DOCK6: variants seen among roughly 807,000 people sequenced by gnomAD.
DOCK6 encodes the protein dedicator of cytokinesis 6, also known as dedicator of cytokinesis protein 6.
Under a neutral mutation model 230.3 loss-of-function variants are expected in DOCK6, and 167 were observed. The ratio of observed to expected loss-of-function variants is 0.73; its 90% CI spans 0.64 to 0.82. DOCK6 has a LOEUF of 0.82. DOCK6 is among the 40% of genes least tolerant of loss of function. The pLI, the probability that DOCK6 is intolerant of heterozygous loss-of-function variation, is 0.00. For synonymous variants in DOCK6, 1,148 were observed against 1,185.0 expected (o/e 0.97, Z 0.64); for missense variants, 2,598 against 2,825.8 (o/e 0.92, Z 1.83).
Position 11,253,963 on chromosome 19 carries a change from G to A in DOCK6, c.45-237C>T, listed in dbSNP as rs574262053. 1.2e-4 allele frequency: 49 copies of A among 422,690 alleles called. No homozygotes were observed. In the Admixed American group the frequency reaches 1.3e-3, roughly 11 times the overall value. The allele number at this position is 422,690 out of a possible 1,614,324, so 26.2% of individuals were successfully genotyped here. On this transcript the variant is annotated intron_variant, in intron 1 of 47. Transcript: ENST00000294618. Reference sequence around the variant, plus strand: ...CACCAGTGGGGTCTGAAGCCATCACGGACTCTCCTTCCCCTCCCGGCTGGG... The same window carrying A: ...CACCAGTGGGGTCTGAAGCCATCACAGACTCTCCTTCCCCTCCCGGCTGGG...
rs764829646 is a variant in DOCK6, at chr19:11,253,658, C to T, written c.113G>A (p.Arg38His). Residue 38 changes from arginine to histidine, a missense_variant, in exon 2 of 48, where the codon CGC becomes CAC. Coordinates refer to ENST00000294618, the MANE Select transcript of DOCK6 (RefSeq NM_020812.4). ...ACTTACCCCCAGGGAGCTGCTGCAG[C>T]GCCTGCTGGAGTGGGGGGAGCCACT... ...ERSGSPHSSRRCSSSLGVPLT... is the reference protein window; with the variant it reads ...ERSGSPHSSRHCSSSLGVPLT... 1.0e-5 allele frequency: 15 copies of T among 1,451,946 alleles called. No individual in the cohort carries two copies. The highest frequency in any genetic ancestry group is 3.3e-5 in the Admixed American group (1 of 30,610). 89.9% of individuals were successfully genotyped at this position (1,451,946 alleles called of 1,614,324 possible).
chr19:11,240,229 A>T, intron 14 of DOCK6: 1 of 1,575,666 alleles, frequency 6.3e-7, no homozygotes, highest in South Asian at 1.2e-5. Flanking sequence ...GACAGCGTGC[A>T]GCGGCTAGAA....
chr19:11,225,783 C>T (rs2079654478), intron 24 of DOCK6, among the ~76,000 whole-genome samples: 1 of 150,466 alleles, frequency 6.6e-6, no homozygotes, highest in African/African-American at 2.5e-5. Flanking sequence ...GTAATCCCGG[C>T]ACTTTGGGAA....
chr19:11,240,069 G>C (rs890653734), intron 14 of DOCK6: 2 of 1,549,154 alleles, frequency 1.3e-6, no homozygotes, highest in African/African-American at 2.7e-5. Context: ...GATAAACTCA[G>C]GCAAGTCCTT....
Position 11,217,371 on chromosome 19 carries a change from T to C in DOCK6, c.3571A>G (p.Arg1191Gly). ...TCTGAGTCAAGCATTGAGGCCAGTCTTGACCGCTGACCTGGGCCCTCTGGC... is the reference window on the plus strand; with the variant it reads ...TCTGAGTCAAGCATTGAGGCCAGTCCTGACCGCTGACCTGGGCCCTCTGGC... ...DFAEGPGQRS[R>G]LASMLDSDTE... The change falls in exon 29 of 48, where the codon AGA becomes GGA. Residue 1191 changes from arginine (R) to glycine (G), a missense_variant. Arg to Gly is a moderately radical substitution (Grantham distance 125). Transcript: ENST00000294618. 6.2e-7 allele frequency: 1 copy of C among 1,613,426 alleles called. No individual in the cohort carries two copies. Among genetic ancestry groups the C allele is most frequent in the Non-Finnish European group, 8.5e-7 (1 of 1,179,730 alleles).
In DOCK6 at chr19:11,227,516, G is replaced by A. The variant is rs2147799278; in HGVS notation, c.2815-39C>T. The A allele has an allele frequency of 3.2e-6, 5 of 1,544,238 alleles. No individual in the cohort carries two copies. The East Asian group carries it at 1.2e-4, about 38-fold the overall frequency. On this transcript the variant is annotated intron_variant, in intron 23 of 47. Transcript: ENST00000294618. Reference sequence around the variant, plus strand: ...GAGAGGGCTGTGGGTGGGATTTGAAGGGCTGTGGGTAGGACTTGAAGGGCT... The same window carrying A: ...GAGAGGGCTGTGGGTGGGATTTGAAAGGCTGTGGGTAGGACTTGAAGGGCT...
At position 11,200,363 on chromosome 19, in the gene DOCK6, G is replaced by T; in HGVS notation, c.6046C>A (p.Pro2016Thr). The T allele has an allele frequency of 6.3e-7, 1 of 1,588,932 alleles. No homozygotes were observed. Among genetic ancestry groups the T allele is most frequent in the Non-Finnish European group, 8.6e-7 (1 of 1,167,950 alleles). Reference sequence around the variant, plus strand: ...TGGGGCAGGCGCTGGGTAAGCAGGGGCTGCAGAGCCTCCCGCAGGCGGCAG... The same window carrying T: ...TGGGGCAGGCGCTGGGTAAGCAGGGTCTGCAGAGCCTCCCGCAGGCGGCAG... ...NYCRLREALQ[P>T]LLTQRLPQLM... is the part of the protein sequence containing the mutation. The change falls in exon 47 of 48, where the codon CCC (proline) becomes ACC (threonine). Residue 2016 changes from proline to threonine, a missense_variant. Pro to Thr is a conservative substitution (Grantham distance 38). Coordinates refer to ENST00000294618, the MANE Select transcript of DOCK6 (RefSeq NM_020812.4). The surrounding 1 kb of genome is among the most constrained non-coding windows in gnomAD (Gnocchi z 4.3).
At position 11,233,205 on chromosome 19, in the gene DOCK6, T is replaced by C; in HGVS notation, c.2716A>G (p.Lys906Glu). 1 of 1,613,054 alleles carries C rather than the reference T, an allele frequency of 6.2e-7. No homozygotes were observed. The highest frequency in any genetic ancestry group is 8.5e-7 in the Non-Finnish European group (1 of 1,179,644). The change falls in exon 22 of 48, where the codon AAG (lysine) becomes GAG (glutamate). Residue 906 changes from lysine to glutamate, a missense_variant and splice_region_variant. Coordinates refer to ENST00000294618, the MANE Select transcript of DOCK6 (RefSeq NM_020812.4). ...TTCCAGGGCCCCCGTTGCCCTACCTTGCTGGCCAGGATGCGGGAAACCTCG... is the reference window on the plus strand; with the variant it reads ...TTCCAGGGCCCCCGTTGCCCTACCTCGCTGGCCAGGATGCGGGAAACCTCG... Reference protein sequence around the residue: ...DDEVSRILASKLLHEELALQW... With the variant: ...DDEVSRILASELLHEELALQW...
rs1187641418 is a variant in DOCK6, at chr19:11,228,956, A to G, written c.2798T>C (p.Phe933Ser). The change falls in exon 23 of 48, where the codon TTC becomes TCC. Residue 933 changes from phenylalanine (F) to serine (S), a missense_variant. By Grantham distance (155) the Phe-to-Ser change is radical (BLOSUM62 -2). Coordinates refer to ENST00000294618, the MANE Select transcript of DOCK6 (RefSeq NM_020812.4). ...VREAILQHAW[F>S]FFQLMVKSMA... ...GGGTCTCACCATGAGCTGGAAGAAG[A>G]ACCAGGCGTGCTGGAGGATGGCCTC... The G allele has an allele frequency of 6.2e-7, 1 of 1,613,322 alleles. No homozygotes were observed. Among genetic ancestry groups the G allele is most frequent in the African/African-American group, 1.3e-5 (1 of 74,754 alleles).
intron 21 of DOCK6, 42 bp from the exon 22 acceptor site, chr19:11,233,408 T>A (rs746229278): frequency 6.3e-7 from 1 of 1,595,014 alleles, no homozygotes; most frequent in African/African-American, 1.3e-5. Context: ...ACCCACCTGA[T>A]GTGATGCCTC....
At chr19:11,216,411 T>C (rs2079488532) in intron 30 of DOCK6, among the ~76,000 whole-genome samples, 1 of 150,182 alleles carries the variant, frequency 6.7e-6, no homozygotes, top group Non-Finnish European at 1.5e-5. Context: ...ATTTCTTTTC[T>C]TCTTTTTTTT....
chr19:11,239,836 C>T (rs1474985825), intron 14 of DOCK6: 9 of 1,602,616 alleles, frequency 5.6e-6, no homozygotes, highest in Non-Finnish European at 7.7e-6. Context: ...CAGGAACAGC[C>T]TGGGTCTCTA....
rs774956904 is a variant in DOCK6, at chr19:11,215,395, G to A, written c.4098C>T (p.Arg1366=). The A allele has an allele frequency of 6.2e-6, 10 of 1,613,334 alleles. No homozygotes were observed. The highest frequency in any genetic ancestry group is 2.7e-5 in the African/African-American group (2 of 74,858). The change falls in exon 32 of 48, where the codon CGC becomes CGT. Residue 1366 remains arginine, a synonymous_variant. Transcript: ENST00000294618. ...CTCCTGCCCACACCTACTTGTCCAC[G>A]CGGTCTGAGGTTTGCTTCCAGTGTG... ...SVTHWKQTSD[R]VDKTKDEMEH...
rs756379625 is a variant in DOCK6 at position 11,222,250 on chromosome 19, T to A, written c.3241-2A>T. 1 of 1,595,454 alleles carries A rather than the reference T, an allele frequency of 6.3e-7. No homozygotes were observed. Among genetic ancestry groups the A allele is most frequent in the Non-Finnish European group, 8.5e-7 (1 of 1,171,286 alleles). Reference sequence around the variant, plus strand: ...GGCTTGGCTGGAGAAGGTGGAGCTCTGCAGAGTGGGGGAAAAATGGGGGAT... The same window carrying A: ...GGCTTGGCTGGAGAAGGTGGAGCTCAGCAGAGTGGGGGAAAAATGGGGGAT... On this transcript the variant is annotated splice_acceptor_variant, in intron 26 of 47. Transcript: ENST00000294618. LOFTEE classifies it high-confidence loss of function. The surrounding 1 kb of genome is among the most constrained non-coding windows in gnomAD (Gnocchi z 4.0).
chr19:11,261,848 C>A (rs1003876939), intron 1 of DOCK6, among the ~76,000 whole-genome samples: 14 of 152,094 alleles, frequency 9.2e-5, no homozygotes, highest in Admixed American at 6.6e-5. Context: ...CCCTTCCCCC[C>A]CCCCGACAGC....
At chr19:11,213,388 G>T (rs915825768) in intron 34 of DOCK6, 60 bp from the exon 35 acceptor site, 20 of 1,565,974 alleles carry the variant, frequency 1.3e-5, no homozygotes, top group Non-Finnish European at 1.6e-5. Context: ...CTCAGAAGGG[G>T]ACTGGCCCAA....
chr19:11,233,137 C>A, intron 22 of DOCK6, 66 bp downstream of exon 22: 1 of 1,566,062 alleles, frequency 6.4e-7, no homozygotes, highest in South Asian at 1.2e-5. Context: ...TCAACAGATT[C>A]TTCGCCCACA....
chr19:11,249,231 G>C (rs2080080326), intron 6 of DOCK6, among the ~76,000 whole-genome samples: 1 of 152,146 alleles, frequency 6.6e-6, no homozygotes, highest in South Asian at 2.1e-4. Flanking sequence ...TTTATTTTCT[G>C]GCCAGGCGCA....
chr19:11,250,366 T>G (rs1458359572), intron 6 of DOCK6, among the ~76,000 whole-genome samples: 2 of 150,144 alleles, frequency 1.3e-5, no homozygotes, highest in South Asian at 2.1e-4. Flanking sequence ...CAGGCTGGAG[T>G]GCAGTGACGG....
Sources: gnomAD v4.1 joint callset for allele counts (sites outside exome capture counted in the v4.1 genomes callset) on GRCh38, gnomAD v4.1.1 for gene constraint, Gnocchi (gnomAD v3.1) non-coding constraint, MANE v1.5 for transcripts, NCBI Gene and HGNC (gene_info 2026-07-23, HGNC 2026-07-21) for gene names.